SPOP: variants seen among roughly 807,000 people sequenced by gnomAD.
SPOP encodes speckle type BTB/POZ protein.
A neutral mutation model predicts 45.6 loss-of-function variants in SPOP; 11 were observed. The observed-to-expected ratio is 0.24, with a 90% CI of 0.15 to 0.40. The LOEUF (loss-of-function observed/expected upper bound fraction) is 0.40. Among genes scored for constraint, SPOP ranks in the 10% least tolerant of loss-of-function variants. The pLI, the probability that SPOP is intolerant of heterozygous loss-of-function variation, is 1.00. For missense variants in SPOP, 152 were observed against 465.6 expected (o/e 0.33, Z 6.20); for synonymous variants, 166 against 166.3 (o/e 1.00, Z 0.01).
intron 1 of SPOP, among the ~76,000 whole-genome samples, chr17:49,674,474 A>G (rs2073175704): frequency 1.3e-5 from 2 of 152,218 alleles, no homozygotes; most frequent in African/African-American, 4.8e-5. Context: ...CATTTCTTCT[A>G]GGTTTTCCAA....
intron 1 of SPOP, among the ~76,000 whole-genome samples, chr17:49,641,263 C>CCAA (rs1471499104): frequency 1.1e-4 from 5 of 47,548 alleles, no homozygotes; most frequent in African/African-American, 3.9e-4. Flanking sequence ...ACTCTGTCTC[C>CCAA]AAAAAAAAAA....
chr17:49,599,560 CAG>C lies in SPOP; in HGVS notation c.*816_*817del, dbSNP rs2071702896. ...AGGGGTGGGGGAGAAGAAATAAAAT[CAG>C]AGAAAAATGCCCAAAAACATTTTCC... is the stretch of plus-strand genomic sequence containing the variant. On this transcript the variant is annotated 3_prime_UTR_variant, in exon 10 of 10. Coordinates refer to ENST00000504102, the MANE Select transcript of SPOP (RefSeq NM_001007228.2). 1 of 214,242 alleles carries C rather than the reference CAG, an allele frequency of 4.7e-6. No homozygotes were observed. The highest frequency in any genetic ancestry group is 9.3e-6 in the Non-Finnish European group (1 of 107,084). 13.3% of individuals were successfully genotyped at this position (214,242 alleles called of 1,614,324 possible). A position where few individuals can be genotyped will look rare whatever the true frequency, so the allele number is the denominator to read the frequency against.
At chr17:49,669,102 T>C (rs1277407713) in intron 1 of SPOP, among the ~76,000 whole-genome samples, 1 of 142,248 alleles carries the variant, frequency 7.0e-6, no homozygotes, top group African/African-American at 2.7e-5. Context: ...AGTCTTGCTC[T>C]GTCGCCCAGG....
At chr17:49,604,199 T>G (rs189744625) in intron 8 of SPOP, among the ~76,000 whole-genome samples, 1 of 152,342 alleles carries the variant, frequency 6.6e-6, no homozygotes, top group African/African-American at 2.4e-5. Context: ...GGATTGTGTC[T>G]TCTACTTTCC....
intron 1 of SPOP, 82 bp from the exon 2 acceptor site, chr17:49,622,958 G>T: frequency 1.6e-6 from 1 of 642,912 alleles, no homozygotes. Flanking sequence ...ATAGAGGCTG[G>T]AAATTTTGTC....
At chr17:49,624,775 C>T (rs62079290) in intron 1 of SPOP, among the ~76,000 whole-genome samples, 28,081 of 147,832 alleles carry the variant, frequency 0.19, 2,739 homozygotes, top group East Asian at 0.36. Context: ...TGCCTGGCCA[C>T]AATTTTTTTT....
At chr17:49,663,821 G>T (rs1597980662) in intron 1 of SPOP, among the ~76,000 whole-genome samples, 1 of 152,344 alleles carries the variant, frequency 6.6e-6, no homozygotes, top group South Asian at 2.1e-4. Context: ...ACAAGTGACA[G>T]TATTTGTTGC....
intron 1 of SPOP, among the ~76,000 whole-genome samples, chr17:49,644,979 T>C (rs1488283502): frequency 1.3e-5 from 2 of 152,166 alleles, no homozygotes; most frequent in Non-Finnish European, 2.9e-5. Context: ...TTTGTTTGGC[T>C]TTTTCTTTTT....
chr17:49,641,022 A>C (rs1431438422), intron 1 of SPOP, among the ~76,000 whole-genome samples: 1 of 151,892 alleles, frequency 6.6e-6, no homozygotes, highest in Non-Finnish European at 1.5e-5. Flanking sequence ...CAGCACTTTG[A>C]TATGCCGAGG....
intron 5 of SPOP, chr17:49,612,932 G>A (rs1483615748): frequency 6.6e-6 from 1 of 152,196 alleles, no homozygotes; most frequent in Non-Finnish European, 1.5e-5. Context: ...TTAATGACCT[G>A]TAGTTCCTTC....
chr17:49,677,193 A>G (rs991264782), intron 1 of SPOP, among the ~76,000 whole-genome samples: 26 of 152,212 alleles, frequency 1.7e-4, no homozygotes, highest in Admixed American at 6.5e-4. Flanking sequence ...CCCTGCCAGA[A>G]TAAGTGATGG....
chr17:49,616,125 A>G lies in SPOP; in HGVS notation c.480+2856T>C, dbSNP rs542751090. The stretch of plus-strand genomic sequence containing the variant: ...CTGATTTTGTCTGAAAGTGAACTCA[A>G]TGTAGGGCACATTATAAACAAGACC... On this transcript the variant is annotated intron_variant, in intron 5 of 9. Transcript: ENST00000504102. Among the ~76,000 whole-genome samples the G allele has an allele frequency of 1.1e-4, 16 of 152,298 alleles. No individual in the cohort carries two copies. The South Asian group carries it at 2.1e-3, about 20-fold the overall frequency.
chr17:49,610,222 G>GC, intron 6 of SPOP, among the ~76,000 whole-genome samples: 1 of 151,032 alleles, frequency 6.6e-6, no homozygotes, highest in South Asian at 2.1e-4. Flanking sequence ...CTTGAGTTTT[G>GC]TTTTTTTTTC....
At chr17:49,605,872 C>A (rs570612503) in intron 8 of SPOP, among the ~76,000 whole-genome samples, 1 of 150,746 alleles carries the variant, frequency 6.6e-6, no homozygotes, top group Non-Finnish European at 1.5e-5. Flanking sequence ...CCTGTAATCC[C>A]AGCTATTCAG....
At chr17:49,648,176 T>C (rs959043435) in intron 1 of SPOP, among the ~76,000 whole-genome samples, 3 of 152,242 alleles carry the variant, frequency 2.0e-5, no homozygotes, top group African/African-American at 7.2e-5. Flanking sequence ...TGGTTTCTAA[T>C]TGATCTCCCA....
chr17:49,643,883 T>C (rs544234215), intron 1 of SPOP, among the ~76,000 whole-genome samples: 1 of 147,644 alleles, frequency 6.8e-6, no homozygotes, highest in Non-Finnish European at 1.5e-5. Flanking sequence ...TGAGCTGAGA[T>C]CGTGCCACTG....
chr17:49,643,948 A>G (rs1567792255), intron 1 of SPOP, among the ~76,000 whole-genome samples: 1 of 151,850 alleles, frequency 6.6e-6, no homozygotes, highest in Non-Finnish European at 1.5e-5. Context: ...AAAAAAAAAA[A>G]GAAAGTATTC....
rs1313171285 is a variant in SPOP, at chr17:49,611,316, C to T, written c.622G>A (p.Gly208Ser). The change falls in exon 6 of 10, where the codon GGC (glycine) becomes AGC (serine). Residue 208 changes from glycine to serine, a missense_variant. Gly to Ser is a moderately conservative substitution (Grantham distance 56). Around this residue, in one of 3 missense-constraint regions of SPOP, gnomAD observed 106 missense variants for 255.2 expected, o/e 0.42. Transcript: ENST00000504102. ...RFTDCCLCVAGQEFQAHKAIL... is the reference protein window; with the variant it reads ...RFTDCCLCVASQEFQAHKAIL... Reference sequence around the variant, plus strand: ...GCCTTGTGAGCCTGGAATTCCTGGCCGGCAACACACAAGCAGCAGTCTGTG... The same window carrying T: ...GCCTTGTGAGCCTGGAATTCCTGGCTGGCAACACACAAGCAGCAGTCTGTG... 1.9e-6 allele frequency: 3 copies of T among 1,614,038 alleles called. No homozygotes were observed. The highest frequency in any genetic ancestry group is 2.5e-6 in the Non-Finnish European group (3 of 1,179,996).
At chr17:49,634,335 T>C (rs1335373439) in intron 1 of SPOP, among the ~76,000 whole-genome samples, 4 of 152,120 alleles carry the variant, frequency 2.6e-5, no homozygotes, top group Non-Finnish European at 5.9e-5. Context: ...TTTTAACACG[T>C]CCCACATGTT....
Sources: gnomAD v4.1 joint callset for allele counts (sites outside exome capture counted in the v4.1 genomes callset) on GRCh38, gnomAD v4.1.1 for gene constraint, gnomAD v4.1.1 regional missense constraint, MANE v1.5 for transcripts, NCBI Gene and HGNC (gene_info 2026-07-23, HGNC 2026-07-21) for gene names.